SLC22A15: variants seen among roughly 807,000 people sequenced by gnomAD.
SLC22A15 encodes the protein solute carrier family 22 member 15, also known as flipt 1.
SLC22A15 carries 45 observed loss-of-function variants against 62.7 expected under a neutral mutation model. The ratio of observed to expected loss-of-function variants is 0.72; its 90% confidence interval spans 0.56 to 0.92. The LOEUF (loss-of-function observed/expected upper bound fraction) is 0.92. Among genes scored for constraint, SLC22A15 ranks in the 40% least tolerant of loss-of-function variants. SLC22A15 has a pLI of 0.00. For synonymous variants in SLC22A15, 264 were observed against 267.0 expected (o/e 0.99, Z 0.11); for missense variants, 622 against 665.6 (o/e 0.93, Z 0.72).
At chr1:116,019,529 T>C in intron 2 of SLC22A15, 53 bp from the exon 3 acceptor site, 13 of 1,529,658 alleles carry the variant, frequency 8.5e-6, no homozygotes, top group Non-Finnish European at 1.1e-5. Context: ...CATTTGGTTT[T>C]TTAATAGCTA....
At chr1:116,047,704 A>G (rs1570766456) in intron 8 of SLC22A15, among the ~76,000 whole-genome samples, 2 of 152,002 alleles carry the variant, frequency 1.3e-5, no homozygotes, top group South Asian at 2.1e-4. Context: ...TCAAAGGAAT[A>G]CCCCGTGAGA....
intron 4 of SLC22A15, among the ~76,000 whole-genome samples, chr1:116,024,011 A>G (rs975932691): frequency 3.3e-5 from 5 of 152,206 alleles, no homozygotes; most frequent in Admixed American, 6.5e-5. Flanking sequence ...GATGGGCCAA[A>G]TGAGGAATTT....
intron 8 of SLC22A15, among the ~76,000 whole-genome samples, chr1:116,051,645 T>C (rs565160462): frequency 6.6e-6 from 1 of 152,290 alleles, no homozygotes; most frequent in Admixed American, 6.5e-5. Context: ...TTCTAGATAT[T>C]GGCTTAGGCA....
intron 2 of SLC22A15, among the ~76,000 whole-genome samples, chr1:116,004,592 G>A (rs934056975): frequency 6.6e-6 from 1 of 152,072 alleles, no homozygotes; most frequent in African/African-American, 2.4e-5. Flanking sequence ...CTAACATTTT[G>A]ATAAGGATTA....
chr1:116,045,667 G>A (rs1657912202), intron 8 of SLC22A15, among the ~76,000 whole-genome samples: 1 of 150,284 alleles, frequency 6.7e-6, no homozygotes, highest in Admixed American at 6.7e-5. Context: ...TGAACCCGGG[G>A]GGTAGAGGTT....
At chr1:115,991,039 C>T (rs190150640) in intron 1 of SLC22A15, among the ~76,000 whole-genome samples, 12 of 152,056 alleles carry the variant, frequency 7.9e-5, no homozygotes, top group Admixed American at 5.2e-4. Context: ...ACTGCAGGAG[C>T]GATGATTAAA....
intron 8 of SLC22A15, among the ~76,000 whole-genome samples, chr1:116,049,258 T>C (rs1657996654): frequency 6.6e-6 from 1 of 152,152 alleles, no homozygotes; most frequent in Non-Finnish European, 1.5e-5. Context: ...ACTTAACAGA[T>C]ATATACAGAA....
At chr1:115,986,767 A>G (rs762854205) in intron 1 of SLC22A15, among the ~76,000 whole-genome samples, 2 of 152,248 alleles carry the variant, frequency 1.3e-5, no homozygotes, top group African/African-American at 4.8e-5. Context: ...GTACAGTGCT[A>G]TGCAATTCAC....
At chr1:116,032,644 C>T in intron 6 of SLC22A15, 2 of 985,062 alleles carry the variant, frequency 2.0e-6, no homozygotes, top group Non-Finnish European at 2.4e-6. Flanking sequence ...CTTTCCCCCA[C>T]AGAACCATCA....
Position 116,066,658 on chromosome 1 carries a change from C to T in SLC22A15, c.1504C>T (p.Arg502Cys), listed in dbSNP as rs767735362. The T allele has an allele frequency of 1.6e-5, 26 of 1,612,714 alleles. No homozygotes were observed. The East Asian group carries it at 3.6e-4, about 22-fold the overall frequency. The change falls in exon 11 of 12, where the codon CGC becomes TGC. Residue 502 changes from arginine to cysteine, a missense_variant. Physicochemically the swap from Arg to Cys is radical, Grantham distance 180. Transcript: ENST00000369503. Reference protein sequence around the residue: ...TFSDLQVYSYRRLGEEALSLQ... With the variant: ...TFSDLQVYSYCRLGEEALSLQ... ...CTCCGACCTTCAGGTGTATTCGTAT[C>T]GCAGGCTGGGAGAAGAAGCATTATC... is the stretch of plus-strand genomic sequence containing the variant.
At chr1:116,032,447 G>T (rs964260564) in intron 6 of SLC22A15, 1 of 985,390 alleles carries the variant, frequency 1.0e-6, no homozygotes, top group Non-Finnish European at 1.2e-6. Context: ...CCTGCATGGA[G>T]CCCTACATTT....
intron 2 of SLC22A15, among the ~76,000 whole-genome samples, chr1:116,018,168 G>A (rs1656634535): frequency 6.6e-6 from 1 of 151,984 alleles, no homozygotes; most frequent in Non-Finnish European, 1.5e-5. Flanking sequence ...ATAATTCCCT[G>A]TTCCCCCCTC....
At chr1:116,052,348 G>T (rs1658083372) in intron 8 of SLC22A15, among the ~76,000 whole-genome samples, 1 of 152,228 alleles carries the variant, frequency 6.6e-6, no homozygotes, top group African/African-American at 2.4e-5. Flanking sequence ...CTGGGGGAGG[G>T]GCGCCCGCCA....
chr1:116,015,000 C>T (rs539086273), intron 2 of SLC22A15: 3 of 152,178 alleles, frequency 2.0e-5, no homozygotes, highest in African/African-American at 7.2e-5. Flanking sequence ...AGTGTATCTT[C>T]TCTGGGCTTT....
chr1:116,025,242 C>G lies in SLC22A15; in HGVS notation c.599-1651C>G, dbSNP rs184554497. On this transcript the variant is annotated intron_variant, in intron 4 of 11. Transcript: ENST00000369503. ...TTCTTGGTTTTGCCTACATTGTTGT[C>G]AAGGGATACTGAGTGCTCAGGACTA... is the stretch of plus-strand genomic sequence containing the variant. Among the ~76,000 whole-genome samples, 9 of 152,218 alleles carry G rather than the reference C, an allele frequency of 5.9e-5. No homozygotes were observed. The East Asian group carries it at 7.7e-4, about 13-fold the overall frequency.
intron 8 of SLC22A15, among the ~76,000 whole-genome samples, chr1:116,047,077 C>G (rs1657946492): frequency 6.6e-6 from 1 of 152,146 alleles, no homozygotes; most frequent in Admixed American, 6.5e-5. Flanking sequence ...AGCTGGTGCT[C>G]TCTGGATAGG....
intron 5 of SLC22A15, among the ~76,000 whole-genome samples, chr1:116,028,632 T>C (rs1570749248): frequency 6.9e-6 from 1 of 145,620 alleles, no homozygotes; most frequent in Non-Finnish European, 1.5e-5. Context: ...TCGTGAAAAA[T>C]AGAAAGCAGA....
At position 116,062,890 on chromosome 1, in the gene SLC22A15, T is replaced by C; in HGVS notation, c.1292+8T>C. ...TTACCCTACAGTCATCAGGTACGTG[T>C]CTCACACAGCCTCATTCTTCACACA... On this transcript the variant is annotated splice_region_variant and intron_variant, in intron 9 of 11. Transcript: ENST00000369503. 1 of 1,613,138 alleles carries C rather than the reference T, an allele frequency of 6.2e-7. No individual in the cohort carries two copies. Among genetic ancestry groups the C allele is most frequent in the Non-Finnish European group, 8.5e-7 (1 of 1,179,286 alleles).
intron 5 of SLC22A15, among the ~76,000 whole-genome samples, chr1:116,030,449 T>A (rs1474855251): frequency 2.7e-5 from 4 of 149,126 alleles, no homozygotes; most frequent in Non-Finnish European, 4.5e-5. Flanking sequence ...AAATTAGATT[T>A]AAAAAAAAAA....
Sources: allele counts gnomAD v4.1 joint callset (sites outside exome capture counted in the v4.1 genomes callset), GRCh38; gene constraint gnomAD v4.1.1; transcripts MANE v1.5; gene names NCBI Gene and HGNC (gene_info 2026-07-23, HGNC 2026-07-21).